The following ITPRID1 variants were observed in gnomAD, a reference collection of about 807,000 sequenced individuals.
ITPRID1 encodes protein ITPRID1.
In ITPRID1, 96 loss-of-function variants were observed where a neutral mutation model predicts 95.4. The ratio of observed to expected loss-of-function variants is 1.01; its 90% CI spans 0.85 to 1.19. The LOEUF (loss-of-function observed/expected upper bound fraction) is 1.19, where lower values mean the gene tolerates loss of function less well. Among genes scored for constraint, ITPRID1 ranks in the 50% most tolerant of loss-of-function variants. The probability of loss-of-function intolerance (pLI) is 0.00; values close to 1 mark genes in which losing one functional copy is unlikely to be tolerated. For synonymous variants in ITPRID1, 510 were observed against 453.6 expected (o/e 1.12, Z -1.58); for missense variants, 1,339 against 1,252.9 (o/e 1.07, Z -1.04).
intron 10 of ITPRID1, among the ~76,000 whole-genome samples, chr7:31,622,641 C>T (rs1388499198): frequency 1.3e-5 from 2 of 151,696 alleles, no homozygotes; most frequent in African/African-American, 4.8e-5. Context: ...ACTAAATGCC[C>T]ACAAGAGAAA....
intron 10 of ITPRID1, among the ~76,000 whole-genome samples, chr7:31,598,595 G>A (rs934493959): frequency 5.3e-5 from 8 of 151,610 alleles, no homozygotes; most frequent in Non-Finnish European, 1.5e-5. Context: ...AGTAGGGACG[G>A]GGTTTCACCG....
At chr7:31,609,745 T>C (rs1360291076) in intron 10 of ITPRID1, among the ~76,000 whole-genome samples, 2 of 151,590 alleles carry the variant, frequency 1.3e-5, no homozygotes, top group Non-Finnish European at 3.0e-5. Flanking sequence ...AAACTTCTTT[T>C]TTAAAATTCT....
At chr7:31,607,740 C>CA (rs55729944) in intron 10 of ITPRID1, among the ~76,000 whole-genome samples, 56,516 of 151,076 alleles carry the variant, frequency 0.37, 11,607 homozygotes, top group East Asian at 0.51. Context: ...TTTTCTTTTT[C>CA]AAAAAAATCT....
chr7:31,605,354 TC>T (rs1308985919), intron 10 of ITPRID1, among the ~76,000 whole-genome samples: 2 of 152,180 alleles, frequency 1.3e-5, no homozygotes, highest in African/African-American at 4.8e-5. Flanking sequence ...TCTTTCTAGG[TC>T]CCTTTAATTA....
At chr7:31,589,446 A>G (rs1785769146) in intron 10 of ITPRID1, among the ~76,000 whole-genome samples, 1 of 152,152 alleles carries the variant, frequency 6.6e-6, no homozygotes, top group African/African-American at 2.4e-5. Context: ...GAAATCTTCT[A>G]ATTTTGCTCA....
chr7:31,527,013 C>T (rs1399569157), intron 1 of ITPRID1, among the ~76,000 whole-genome samples: 1 of 152,172 alleles, frequency 6.6e-6, no homozygotes, highest in Non-Finnish European at 1.5e-5. Flanking sequence ...TTTCCAGTTA[C>T]ATCACTTGAC....
intron 9 of ITPRID1, among the ~76,000 whole-genome samples, chr7:31,580,246 C>T (rs974367275): frequency 2.1e-5 from 3 of 146,068 alleles, no homozygotes; most frequent in Middle Eastern, 7.2e-3. Context: ...TGCAGTGAGC[C>T]GAGATCGCAC....
chr7:31,521,583 A>C (rs1350902329), intron 1 of ITPRID1, among the ~76,000 whole-genome samples: 1 of 151,672 alleles, frequency 6.6e-6, no homozygotes, highest in Non-Finnish European at 1.5e-5. Context: ...GTGTCCGAGG[A>C]AAGTTGTTTC....
chr7:31,576,921 C>CT (rs397890827), intron 8 of ITPRID1, among the ~76,000 whole-genome samples: 212 of 146,190 alleles, frequency 1.5e-3, no homozygotes, highest in Admixed American at 1.6e-3. Flanking sequence ...ATATTTTCCA[C>CT]TTTTTTTTTT....
Position 31,643,198 on chromosome 7 carries a change from C to T in ITPRID1, c.1828C>T (p.Leu610Phe), listed in dbSNP as rs1407834310. The T allele has an allele frequency of 6.2e-7, 1 of 1,613,970 alleles. No homozygotes were observed. The highest frequency in any genetic ancestry group is 1.3e-5 in the African/African-American group (1 of 75,046). ...PGNDHTQDKF[L>F]HVDSEAPREE... ...AAATGATCATACTCAAGACAAGTTC[C>T]TTCATGTTGACTCTGAGGCCCCACG... is the stretch of plus-strand genomic sequence containing the variant. The change falls in exon 12 of 15, where the codon CTT (leucine) becomes TTT (phenylalanine). Residue 610 changes from leucine (L) to phenylalanine (F), a missense_variant. By Grantham distance (22) the Leu-to-Phe change is conservative. Transcript: ENST00000615280.
chr7:31,563,046 A>G (rs1299448110), intron 5 of ITPRID1, among the ~76,000 whole-genome samples: 1 of 152,224 alleles, frequency 6.6e-6, no homozygotes, highest in Non-Finnish European at 1.5e-5. Flanking sequence ...ATCATCTGTA[A>G]ATTATCTGAT....
At chr7:31,593,313 AAGAC>A (rs1274992181) in intron 10 of ITPRID1, among the ~76,000 whole-genome samples, 1 of 152,138 alleles carries the variant, frequency 6.6e-6, no homozygotes, top group African/African-American at 2.4e-5. Context: ...CAACAAAACA[AAGAC>A]AAAAACAAAA....
chr7:31,523,425 C>A (rs1783329604), intron 1 of ITPRID1, among the ~76,000 whole-genome samples: 1 of 152,228 alleles, frequency 6.6e-6, no homozygotes, highest in African/African-American at 2.4e-5. Context: ...CCTAAAGTAA[C>A]TCCCAACTAA....
intron 12 of ITPRID1, among the ~76,000 whole-genome samples, chr7:31,647,731 C>T (rs554138302): frequency 5.5e-4 from 82 of 148,792 alleles, no homozygotes; most frequent in African/African-American, 1.5e-3. Flanking sequence ...ACAACGACGA[C>T]GACAATGGGA....
chr7:31,642,800 C>A lies in ITPRID1; in HGVS notation c.1430C>A (p.Ser477Tyr). The change falls in exon 12 of 15, where the codon TCC (serine) becomes TAC (tyrosine). Residue 477 changes from serine to tyrosine, a missense_variant. Coordinates refer to ENST00000615280, the MANE Select transcript of ITPRID1 (RefSeq NM_001257967.3). Reference sequence around the variant, plus strand: ...CAGCTAGAGTCGGATGGGCCAGATTCCAAAAGTAGGGCGAGCATGTCTTTT... The same window carrying A: ...CAGCTAGAGTCGGATGGGCCAGATTACAAAAGTAGGGCGAGCATGTCTTTT... ...DCQLESDGPDSKSRASMSFSS... is the reference protein window; with the variant it reads ...DCQLESDGPDYKSRASMSFSS... 6.2e-7 allele frequency: 1 copy of A among 1,613,964 alleles called. No individual in the cohort carries two copies. The highest frequency in any genetic ancestry group is 1.1e-5 in the South Asian group (1 of 91,080).
At chr7:31,520,134 TTGTC>T (rs1783193899) in intron 1 of ITPRID1, among the ~76,000 whole-genome samples, 1 of 151,976 alleles carries the variant, frequency 6.6e-6, no homozygotes, top group African/African-American at 2.4e-5. Flanking sequence ...CAAGTGGAAT[TTGTC>T]TGGTGTTTTT....
In ITPRID1 at chr7:31,642,236, C is replaced by A; in HGVS notation, c.1289C>A (p.Pro430Gln). The part of the protein sequence containing the change: ...QSDSSGFLEE[P>Q]LEPLPLQMPS... ...GACAGCAGCGGGTTCCTGGAGGAGC[C>A]GCTGGAACCGCTGCCCCTCCAGGTA... Residue 430 changes from proline (P) to glutamine (Q), a missense_variant, in exon 11 of 15, where the codon CCG becomes CAG. Transcript: ENST00000615280. The A allele has an allele frequency of 6.4e-7, 1 of 1,554,084 alleles. No homozygotes were observed. Among genetic ancestry groups the A allele is most frequent in the Non-Finnish European group, 8.7e-7 (1 of 1,148,900 alleles).
rs1791002038 is a variant in ITPRID1 at position 31,652,003 on chromosome 7, T to G, written c.2776T>G (p.Phe926Val). ...GAGGCAGCAGGTGGCAGAGTTGGAATTTCAGTTAGGAGACCGGGCTCAGCA... is the reference window on the plus strand; with the variant it reads ...GAGGCAGCAGGTGGCAGAGTTGGAAGTTCAGTTAGGAGACCGGGCTCAGCA... ...ALRQQVAELE[F>V]QLGDRAQQIR... The change falls in exon 14 of 15, where the codon TTT becomes GTT. Residue 926 changes from phenylalanine to valine, a missense_variant. Transcript: ENST00000615280. The G allele has an allele frequency of 6.2e-7, 1 of 1,605,750 alleles. No homozygotes were observed. The highest frequency in any genetic ancestry group is 8.5e-7 in the Non-Finnish European group (1 of 1,176,414).
rs546132367 is a variant in ITPRID1, at chr7:31,554,896, G to A, written c.251G>A (p.Arg84His). The A allele has an allele frequency of 2.3e-5, 36 of 1,577,890 alleles. 2 individuals carry two copies. The highest frequency in any genetic ancestry group is 1.3e-4 in the South Asian group (11 of 86,434). Residue 84 changes from arginine to histidine, a missense_variant, in exon 5 of 15, where the codon CGC becomes CAC. Arg to His is a conservative substitution (Grantham distance 29, BLOSUM62 0). Coordinates refer to ENST00000615280, the MANE Select transcript of ITPRID1 (RefSeq NM_001257967.3). The part of the protein sequence containing the change: ...ANENFQQVID[R>H]TVSLYEQGMV... ...GAAAACTTTCAACAAGTCATTGACC[G>A]CACTGGTAAGACAAGAGAAGCAGTT... is the stretch of plus-strand genomic sequence containing the variant.
Sources: allele counts gnomAD v4.1 joint callset (sites outside exome capture counted in the v4.1 genomes callset), GRCh38; gene constraint gnomAD v4.1.1; transcripts MANE v1.5; gene names NCBI Gene and HGNC (gene_info 2026-07-23, HGNC 2026-07-21).